GRB10: variants seen among roughly 807,000 people sequenced by gnomAD.
The protein encoded by GRB10 is growth factor receptor bound protein 10.
In GRB10, 20 loss-of-function variants were observed where a neutral mutation model predicts 80.9. The observed-to-expected ratio is 0.25, with a 90% CI of 0.17 to 0.36. GRB10 has a LOEUF of 0.36. GRB10 is among the 10% of genes least tolerant of loss of function. The probability of loss-of-function intolerance (pLI) is 1.00; values close to 1 mark genes in which losing one functional copy is unlikely to be tolerated. For synonymous variants in GRB10, 291 were observed against 291.5 expected (o/e 1.00, Z 0.02); for missense variants, 548 against 747.7 (o/e 0.73, Z 3.12).
Position 50,668,467 on chromosome 7 carries a change from A to C in GRB10, c.504+1255T>G, listed in dbSNP as rs544352692. On this transcript the variant is annotated intron_variant, in intron 7 of 18. Coordinates refer to ENST00000401949, the MANE Select transcript of GRB10 (RefSeq NM_001350814.2). ...CAGGCTCCGATTCTGAGGCCGGGTC[A>C]CACTCAGCCGCACCATCAGGTCTCA... is the stretch of plus-strand genomic sequence containing the variant. 4.6e-5 allele frequency among the ~76,000 whole-genome samples: 7 copies of C among 152,340 alleles called. No homozygotes were observed. In the South Asian group the frequency reaches 1.5e-3, roughly 32 times the overall value.
intron 2 of GRB10, among the ~76,000 whole-genome samples, chr7:50,775,215 T>TTACAAAA (rs1383065534): frequency 1.6e-5 from 2 of 123,606 alleles, no homozygotes; most frequent in African/African-American, 5.7e-5. Context: ...GACATTCCCA[T>TTACAAAA]TACAAAAGGG....
chr7:50,625,160 A>C (rs2153589332), intron 8 of GRB10, among the ~76,000 whole-genome samples: 1 of 152,326 alleles, frequency 6.6e-6, no homozygotes, highest in South Asian at 2.1e-4. Flanking sequence ...TGAAATAGAT[A>C]ATTCAAAATT....
intron 7 of GRB10, among the ~76,000 whole-genome samples, chr7:50,630,069 C>T (rs2053722806): frequency 6.6e-6 from 1 of 152,222 alleles, no homozygotes; most frequent in Non-Finnish European, 1.5e-5. Flanking sequence ...GAGTTCTATC[C>T]CGGCTTAGCC....
At chr7:50,768,973 T>C (rs1588012942) in intron 2 of GRB10, among the ~76,000 whole-genome samples, 1 of 152,164 alleles carries the variant, frequency 6.6e-6, no homozygotes, top group African/African-American at 2.4e-5. Context: ...CCCCATTCAC[T>C]GGGCTGATGA....
At chr7:50,651,509 T>C (rs556750795) in intron 7 of GRB10, among the ~76,000 whole-genome samples, 1 of 152,362 alleles carries the variant, frequency 6.6e-6, no homozygotes, top group South Asian at 2.1e-4. Flanking sequence ...CCTACTCCAG[T>C]ACGACCTCAT....
chr7:50,616,178 TA>T (rs1563166971), intron 11 of GRB10, 31 bp downstream of exon 11: 1 of 1,614,044 alleles, frequency 6.2e-7, no homozygotes, highest in Non-Finnish European at 8.5e-7. Context: ...GTGGCAGAAT[TA>T]GGGCTGGTGG....
intron 4 of GRB10, among the ~76,000 whole-genome samples, chr7:50,718,784 G>A (rs2067268841): frequency 6.6e-6 from 1 of 152,160 alleles, no homozygotes; most frequent in Non-Finnish European, 1.5e-5. Context: ...GCCATTCACA[G>A]CTCTCAGGGT....
intron 7 of GRB10, among the ~76,000 whole-genome samples, chr7:50,659,859 A>C (rs1320499867): frequency 1.3e-5 from 2 of 152,222 alleles, no homozygotes; most frequent in Non-Finnish European, 2.9e-5. Context: ...GCGTCCCCTC[A>C]TAAGTAATTG....
intron 4 of GRB10, among the ~76,000 whole-genome samples, chr7:50,724,155 C>T (rs2068211707): frequency 6.6e-6 from 1 of 152,134 alleles, no homozygotes; most frequent in Admixed American, 6.5e-5. Context: ...GGGTCATAAA[C>T]GCAAAGCTTC....
intron 7 of GRB10, among the ~76,000 whole-genome samples, chr7:50,642,733 A>C (rs1392408679): frequency 6.6e-6 from 1 of 152,106 alleles, no homozygotes; most frequent in Admixed American, 6.5e-5. Context: ...TTTCAGATAA[A>C]GAATACTCAA....
At position 50,631,307 on chromosome 7, in the gene GRB10, G is replaced by A. The variant is rs138385068; in HGVS notation, c.505-4329C>T. ...ATGGGGCACTCTCTTTGTCCTCTTC[G>A]AGCCCTCTGCAGCATAAGATGTCCC... On this transcript the variant is annotated intron_variant, in intron 7 of 18. Transcript: ENST00000401949. 5.6e-4 allele frequency among the ~76,000 whole-genome samples: 85 copies of A among 151,822 alleles called. No individual in the cohort carries two copies. The East Asian group carries it at 9.5e-3, about 17-fold the overall frequency.
chr7:50,709,909 G>A (rs920440743), intron 4 of GRB10, among the ~76,000 whole-genome samples: 3 of 152,046 alleles, frequency 2.0e-5, no homozygotes, highest in Admixed American at 1.3e-4. Flanking sequence ...CTAATGTAAC[G>A]TGGCTCATAC....
intron 5 of GRB10, among the ~76,000 whole-genome samples, chr7:50,676,128 C>T (rs1342436712): frequency 6.6e-6 from 1 of 152,166 alleles, no homozygotes; most frequent in Non-Finnish European, 1.5e-5. Context: ...GCAAGTTACA[C>T]CCACTTAACA....
chr7:50,712,006 T>A (rs936837026), intron 4 of GRB10, among the ~76,000 whole-genome samples: 1 of 151,960 alleles, frequency 6.6e-6, no homozygotes, highest in Non-Finnish European at 1.5e-5. Flanking sequence ...AGAGAACATG[T>A]CCTTAACAAC....
At chr7:50,607,562 T>C (rs565982643) in intron 13 of GRB10, among the ~76,000 whole-genome samples, 2 of 152,346 alleles carry the variant, frequency 1.3e-5, no homozygotes, top group East Asian at 3.9e-4. Context: ...TAAGACACTA[T>C]GTGTCTAAGT....
At chr7:50,632,490 T>G (rs2054182656) in intron 7 of GRB10, among the ~76,000 whole-genome samples, 1 of 152,184 alleles carries the variant, frequency 6.6e-6, no homozygotes, top group Admixed American at 6.5e-5. Context: ...CCCCACTGTC[T>G]GAACACAGCA....
At chr7:50,619,143 C>T (rs1200499011) in intron 9 of GRB10, 27 bp downstream of exon 9, 4 of 1,362,254 alleles carry the variant, frequency 2.9e-6, no homozygotes, top group Non-Finnish European at 4.2e-6. Flanking sequence ...GAGTCCCAAA[C>T]CCCAAACCTG....
chr7:50,720,777 C>A (rs532468467), intron 4 of GRB10, among the ~76,000 whole-genome samples: 4 of 150,450 alleles, frequency 2.7e-5, no homozygotes, highest in Non-Finnish European at 5.9e-5. Flanking sequence ...CCAAAGTACA[C>A]CATTAAAAAA....
At chr7:50,704,684 A>T (rs1209217241) in intron 4 of GRB10, among the ~76,000 whole-genome samples, 1 of 152,248 alleles carries the variant, frequency 6.6e-6, no homozygotes, top group Non-Finnish European at 1.5e-5. Context: ...CACAAATATC[A>T]TAGTTGACTT....
Sources: allele counts gnomAD v4.1 joint callset (sites outside exome capture counted in the v4.1 genomes callset), GRCh38; gene constraint gnomAD v4.1.1; transcripts MANE v1.5; gene names NCBI Gene and HGNC (gene_info 2026-07-23, HGNC 2026-07-21).